C12orf54: variants seen among roughly 807,000 people sequenced by gnomAD.
C12orf54 encodes chromosome 12 open reading frame 54.
A neutral mutation model predicts 26.4 loss-of-function variants in C12orf54; 24 were observed. The observed-to-expected ratio is 0.91, with a 90% CI of 0.66 to 1.28. The LOEUF (loss-of-function observed/expected upper bound fraction) is 1.28, where lower values mean the gene tolerates loss of function less well. C12orf54 is among the 50% of genes most tolerant of loss of function. The pLI, the probability that C12orf54 is intolerant of heterozygous loss-of-function variation, is 0.00. For synonymous variants in C12orf54, 54 were observed against 47.0 expected, an observed-to-expected ratio of 1.15 and a Z score of -0.61; for missense variants, 154 against 150.9, an observed-to-expected ratio of 1.02 and a Z score of -0.11.
chr12:48,451,045 G>A, the C12orf54 span, among the ~76,000 whole-genome samples: 1 of 152,124 alleles, frequency 6.6e-6, no homozygotes, highest in Admixed American at 6.5e-5. Flanking sequence ...GAAAACTTCA[G>A]GCCAATATCC....
the C12orf54 span, among the ~76,000 whole-genome samples, chr12:48,448,594 A>G: frequency 1.3e-5 from 2 of 152,218 alleles, no homozygotes; most frequent in East Asian, 3.8e-4. Context: ...CAAGCACATC[A>G]TCTTCAAATA....
chr12:48,443,338 G>A, the C12orf54 span, among the ~76,000 whole-genome samples: 1 of 152,338 alleles, frequency 6.6e-6, no homozygotes, highest in African/African-American at 2.4e-5. Flanking sequence ...TAGAGCTGAA[G>A]TAGAGCATGG....
At chr12:48,463,354 C>A in the C12orf54 span, among the ~76,000 whole-genome samples, 3 of 152,010 alleles carry the variant, frequency 2.0e-5, no homozygotes, top group East Asian at 5.8e-4. Context: ...GACACATACA[C>A]CCTCCCAAGA....
At chr12:48,435,969 G>A in the C12orf54 span, among the ~76,000 whole-genome samples, 440 of 152,238 alleles carry the variant, frequency 2.9e-3, 5 homozygotes, top group African/African-American at 1.0e-2. Flanking sequence ...CTGGCAAATT[G>A]GATAAAGAGT....
chr12:48,492,833 A>C, intron 6 of C12orf54, 114 bp from the exon 7 acceptor site: 1 of 910,158 alleles, frequency 1.1e-6, no homozygotes, highest in Non-Finnish European at 1.8e-6. Context: ...GTGTCCCTTC[A>C]AGTCTGGACC....
At position 48,490,800 on chromosome 12, in the gene C12orf54, A is replaced by G. The variant is rs2137094459; in HGVS notation, c.169-12A>G. The G allele has an allele frequency of 5.6e-6, 9 of 1,613,502 alleles. No individual in the cohort carries two copies. The highest frequency in any genetic ancestry group is 7.6e-6 in the Non-Finnish European group (9 of 1,179,472). On this transcript the variant is annotated splice_polypyrimidine_tract_variant and intron_variant, in intron 5 of 8. Transcript: ENST00000548364. ...CCCCATCATCTCTGACTGTATTCTC[A>G]TTATTTTTCAGCTGCAGGAAGATGC... is the stretch of plus-strand genomic sequence containing the variant.
chr12:48,437,469 T>C, the C12orf54 span, among the ~76,000 whole-genome samples: 9 of 152,178 alleles, frequency 5.9e-5, no homozygotes, highest in African/African-American at 1.4e-4. Flanking sequence ...TTTAGACCAA[T>C]ATCCTTGATG....
At chr12:48,461,171 T>A in the C12orf54 span, among the ~76,000 whole-genome samples, 54 of 151,964 alleles carry the variant, frequency 3.6e-4, no homozygotes, top group East Asian at 0.01. Flanking sequence ...TTACCAAGGC[T>A]AAAGAAGGTC....
chr12:48,493,090 C>G (rs1937827640), intron 7 of C12orf54, 95 bp downstream of exon 7: 3 of 1,128,238 alleles, frequency 2.7e-6, no homozygotes, highest in Middle Eastern at 2.3e-4. Context: ...GAGCCTTGAG[C>G]CTTCAGAAGC....
chr12:48,494,556 T>G (rs1472558945), intron 7 of C12orf54, among the ~76,000 whole-genome samples: 1 of 152,144 alleles, frequency 6.6e-6, no homozygotes, highest in Non-Finnish European at 1.5e-5. Flanking sequence ...GCAAGAGGAA[T>G]TTTCCTGATG....
At chr12:48,435,219 T>A in the C12orf54 span, among the ~76,000 whole-genome samples, 1 of 151,954 alleles carries the variant, frequency 6.6e-6, no homozygotes, top group African/African-American at 2.4e-5. Flanking sequence ...GAAAAAAGAA[T>A]AAAAAGAAAC....
chr12:48,447,318 C>G, the C12orf54 span, among the ~76,000 whole-genome samples: 1 of 151,556 alleles, frequency 6.6e-6, no homozygotes, highest in Admixed American at 6.6e-5. Context: ...ATACCTTGAT[C>G]TTGGACTTCC....
the C12orf54 span, chr12:48,472,591 T>G: frequency 6.4e-7 from 1 of 1,565,088 alleles, no homozygotes; most frequent in Non-Finnish European, 8.7e-7. Context: ...AGCTTTCAAA[T>G]GTGCGGTTGT....
intron 4 of C12orf54, chr12:48,487,957 TAAG>T: frequency 1.4e-6 from 1 of 717,456 alleles, no homozygotes. Context: ...TGTTGATACC[TAAG>T]AAGAACTGGG....
At chr12:48,431,583 G>A in the C12orf54 span, among the ~76,000 whole-genome samples, 1 of 151,716 alleles carries the variant, frequency 6.6e-6, no homozygotes, top group South Asian at 2.1e-4. Context: ...AATCATCAAA[G>A]GAATTAAATT....
chr12:48,489,440 T>TCTCTCC (rs1937735206), intron 5 of C12orf54: 7 of 258,380 alleles, frequency 2.7e-5, no homozygotes, highest in East Asian at 2.6e-4. Flanking sequence ...TCTCTCTCTC[T>TCTCTCC]CTTTGAGACA....
At chr12:48,440,721 C>G in the C12orf54 span, among the ~76,000 whole-genome samples, 1 of 152,208 alleles carries the variant, frequency 6.6e-6, no homozygotes, top group East Asian at 1.9e-4. Context: ...ATGTTATTTA[C>G]AGTCTCTATG....
chr12:48,435,669 T>C, the C12orf54 span, among the ~76,000 whole-genome samples: 7 of 152,250 alleles, frequency 4.6e-5, no homozygotes, highest in East Asian at 1.3e-3. Flanking sequence ...GTAAGCTTCA[T>C]AAGTGAAGGA....
At chr12:48,486,106 A>G (rs1422876637) in intron 2 of C12orf54, 72 bp from the exon 3 acceptor site, 1 of 1,412,398 alleles carries the variant, frequency 7.1e-7, no homozygotes, top group East Asian at 2.3e-5. Context: ...GGAGTGATAG[A>G]ATAGAGTTAG....
Sources: gnomAD v4.1 joint callset for allele counts (sites outside exome capture counted in the v4.1 genomes callset) on GRCh38, gnomAD v4.1.1 for gene constraint, MANE v1.5 for transcripts, NCBI Gene and HGNC (gene_info 2026-07-23, HGNC 2026-07-21) for gene names.